Variants in ENOX1 observed in about 807,000 individuals in gnomAD.
ENOX1 encodes the protein candidate growth-related and time keeping constitutive hydroquinone (NADH) oxidase.
Under a neutral mutation model 82.5 loss-of-function variants are expected in ENOX1, and 42 were observed. That is an observed-to-expected ratio of 0.51 (90% confidence interval 0.40 to 0.66). ENOX1 has a LOEUF of 0.66. Ranked by LOEUF, ENOX1 falls within the 30% of genes least tolerant of loss-of-function variation. The probability of loss-of-function intolerance (pLI) is 0.00; values close to 1 mark genes in which losing one functional copy is unlikely to be tolerated. For synonymous variants in ENOX1, 271 were observed against 282.2 expected (o/e 0.96, Z 0.40); for missense variants, 608 against 811.6 (o/e 0.75, Z 3.05).
intron 1 of ENOX1, among the ~76,000 whole-genome samples, chr13:43,732,062 T>C (rs1430640844): frequency 1.3e-5 from 2 of 152,134 alleles, no homozygotes; most frequent in Admixed American, 1.3e-4. Context: ...CTTATAGGAG[T>C]CATCTGAAAC....
At chr13:43,428,208 T>C (rs938069690) in intron 3 of ENOX1, among the ~76,000 whole-genome samples, 2 of 152,178 alleles carry the variant, frequency 1.3e-5, no homozygotes, top group Non-Finnish European at 2.9e-5. Context: ...CATGCTTTAT[T>C]GAGAGGCACA....
chr13:43,419,450 G>A (rs949960913), intron 3 of ENOX1, among the ~76,000 whole-genome samples: 3 of 152,128 alleles, frequency 2.0e-5, no homozygotes, highest in South Asian at 2.1e-4. Context: ...GGACGCTGGG[G>A]TGGGAGGATT....
chr13:43,226,500 G>T (rs2042029691), intron 15 of ENOX1, among the ~76,000 whole-genome samples: 1 of 152,144 alleles, frequency 6.6e-6, no homozygotes, highest in Non-Finnish European at 1.5e-5. Context: ...TTTCCCTACT[G>T]TACTATCAAA....
intron 2 of ENOX1, among the ~76,000 whole-genome samples, chr13:43,656,405 G>C (rs1255361529): frequency 6.6e-6 from 1 of 152,090 alleles, no homozygotes; most frequent in Non-Finnish European, 1.5e-5. Context: ...TTAATCTTCT[G>C]CTAATGCAAG....
At chr13:43,336,220 T>C (rs1410070744) in intron 9 of ENOX1, among the ~76,000 whole-genome samples, 1 of 152,202 alleles carries the variant, frequency 6.6e-6, no homozygotes, top group Non-Finnish European at 1.5e-5. Flanking sequence ...AAGTAAATGA[T>C]TTCAGAAAGA....
intron 2 of ENOX1, among the ~76,000 whole-genome samples, chr13:43,500,558 G>T (rs572230374): frequency 6.6e-6 from 1 of 152,004 alleles, no homozygotes; most frequent in East Asian, 1.9e-4. Flanking sequence ...TGTCAACACT[G>T]GGTCCTCCTT....
chr13:43,368,583 G>A (rs2051005726), intron 5 of ENOX1, among the ~76,000 whole-genome samples: 1 of 152,158 alleles, frequency 6.6e-6, no homozygotes, highest in African/African-American at 2.4e-5. Flanking sequence ...AGGGCAGAGC[G>A]GTTTCTGTGC....
At chr13:43,534,044 A>C (rs533352591) in intron 2 of ENOX1, among the ~76,000 whole-genome samples, 1 of 152,256 alleles carries the variant, frequency 6.6e-6, no homozygotes, top group East Asian at 1.9e-4. Flanking sequence ...TCAAGTGCAA[A>C]AGTTGAATTT....
chr13:43,460,090 A>T (rs563546811), intron 3 of ENOX1, among the ~76,000 whole-genome samples: 18 of 152,314 alleles, frequency 1.2e-4, no homozygotes, highest in Admixed American at 5.2e-4. Flanking sequence ...AGTTAATTAT[A>T]TTTACAAGTT....
At chr13:43,533,774 G>T (rs1042159604) in intron 2 of ENOX1, among the ~76,000 whole-genome samples, 4 of 152,060 alleles carry the variant, frequency 2.6e-5, no homozygotes, top group Admixed American at 2.0e-4. Context: ...AAACTCGAAT[G>T]GTCTCTGGGA....
chr13:43,559,295 T>G (rs1462308320), intron 2 of ENOX1, among the ~76,000 whole-genome samples: 3 of 152,230 alleles, frequency 2.0e-5, no homozygotes, highest in Non-Finnish European at 2.9e-5. Flanking sequence ...CATACTTATT[T>G]GATGTTTTTA....
At chr13:43,374,925 T>A (rs918168022) in intron 5 of ENOX1, among the ~76,000 whole-genome samples, 1 of 152,178 alleles carries the variant, frequency 6.6e-6, no homozygotes, top group Admixed American at 6.5e-5. Flanking sequence ...AAAAGCAGGA[T>A]GCACAGTATT....
chr13:43,666,387 A>C (rs2084979804), intron 2 of ENOX1, among the ~76,000 whole-genome samples: 1 of 152,194 alleles, frequency 6.6e-6, no homozygotes. Context: ...CTTGCAGATG[A>C]TCGAGTTAAG....
At chr13:43,772,590 A>G (rs1951695960) in intron 1 of ENOX1, among the ~76,000 whole-genome samples, 2 of 152,056 alleles carry the variant, frequency 1.3e-5, no homozygotes, top group East Asian at 3.9e-4. Flanking sequence ...CTCTACTAAA[A>G]TACAAAGAAT....
chr13:43,260,378 A>ATTTC (rs1263228720), intron 14 of ENOX1, among the ~76,000 whole-genome samples: 1 of 152,236 alleles, frequency 6.6e-6, no homozygotes, highest in Non-Finnish European at 1.5e-5. Context: ...ATTGCAAATG[A>ATTTC]TTTCTTTAAC....
intron 3 of ENOX1, among the ~76,000 whole-genome samples, chr13:43,456,909 C>T (rs2057257728): frequency 2.0e-5 from 3 of 152,144 alleles, no homozygotes; most frequent in African/African-American, 7.2e-5. Flanking sequence ...GCTCAGTGCA[C>T]CTCAGCTATT....
chr13:43,247,870 TATATATATATATA>T (rs1169585084), intron 14 of ENOX1, among the ~76,000 whole-genome samples: 5 of 2,446 alleles, frequency 2.0e-3, no homozygotes, highest in Non-Finnish European at 2.4e-3. Flanking sequence ...TATATATATA[TATATATATATATA>T]TTTTTTTTTT....
At position 43,456,539 on chromosome 13, in the gene ENOX1, T is replaced by C. The variant is rs539155097; in HGVS notation, c.-75+27470A>G. Among the ~76,000 whole-genome samples, 4 of 152,186 alleles carry C rather than the reference T, an allele frequency of 2.6e-5. No individual in the cohort carries two copies. In the South Asian group the frequency reaches 8.3e-4, roughly 32 times the overall value. ...AATCAGTCATTTTTTGGACTGAGTT[T>C]CTGCAGATAAGAATCTCCAAACCCC... On this transcript the variant is annotated intron_variant, in intron 3 of 16. Transcript: ENST00000690772.
At chr13:43,462,966 C>T (rs779947512) in intron 3 of ENOX1, among the ~76,000 whole-genome samples, 13 of 152,138 alleles carry the variant, frequency 8.5e-5, no homozygotes, top group South Asian at 2.1e-4. Context: ...CGTTAAAAAT[C>T]GGTGCCTCTC....
Sources: allele counts gnomAD v4.1 joint callset (sites outside exome capture counted in the v4.1 genomes callset), GRCh38; gene constraint gnomAD v4.1.1; transcripts MANE v1.5; gene names NCBI Gene and HGNC (gene_info 2026-07-23, HGNC 2026-07-21).